The following EML6 variants were observed in gnomAD, a reference collection of about 807,000 sequenced individuals.
EML6 encodes the protein echinoderm microtubule-associated protein-like 6.
In EML6, 154 loss-of-function variants were observed where a neutral mutation model predicts 240.1. That is an observed-to-expected ratio of 0.64 (90% CI 0.56 to 0.73). EML6 has a LOEUF of 0.73. Among genes scored for constraint, EML6 ranks in the 30% least tolerant of loss-of-function variants. EML6 has a pLI of 0.00. For synonymous variants in EML6, 1,148 were observed against 899.0 expected (o/e 1.28, Z -4.95); for missense variants, 2,964 against 2,474.6 (o/e 1.20, Z -4.20).
chr2:54,735,642 A>G (rs1683354669), intron 2 of EML6, among the ~76,000 whole-genome samples: 1 of 152,250 alleles, frequency 6.6e-6, no homozygotes. Flanking sequence ...CTACTGGAAT[A>G]TGGCCATGGC....
At chr2:54,895,474 G>C (rs1672715410) in intron 21 of EML6, 74 bp downstream of exon 21, 1 of 1,477,604 alleles carries the variant, frequency 6.8e-7, no homozygotes, top group African/African-American at 1.4e-5. Flanking sequence ...TTGATGCTTA[G>C]GTTGCAAAAC....
chr2:54,807,635 C>T (rs1323215890), intron 2 of EML6, among the ~76,000 whole-genome samples: 1 of 152,126 alleles, frequency 6.6e-6, no homozygotes, highest in South Asian at 2.1e-4. Context: ...GTATTTCTAC[C>T]ATATGGATAG....
Position 54,903,510 on chromosome 2 carries a change from A to G in EML6, c.3409+8A>G, listed in dbSNP as rs1171938265. ...TTGACTGGGACTCTAGAGGTAAAGT[A>G]TGTTGTGGCTTTTAAAATAGAATTT... On this transcript the variant is annotated splice_region_variant and intron_variant, in intron 24 of 41. Transcript: ENST00000356458. 3.9e-6 allele frequency: 6 copies of G among 1,519,218 alleles called. No individual in the cohort carries two copies. The highest frequency in any genetic ancestry group is 1.2e-5 in the South Asian group (1 of 81,850). 94.1% of individuals were successfully genotyped at this position (1,519,218 alleles called of 1,614,324 possible). A position where few individuals can be genotyped will look rare whatever the true frequency, so the allele number is the denominator to read the frequency against.
intron 41 of EML6, among the ~76,000 whole-genome samples, chr2:54,969,672 C>CT (rs1040219116): frequency 2.4e-4 from 36 of 152,286 alleles, no homozygotes; most frequent in African/African-American, 8.7e-4. Flanking sequence ...CCGTGCAGGG[C>CT]TTGCAGGCCT....
At chr2:54,899,563 A>G in intron 21 of EML6, 78 bp from the exon 22 acceptor site, 2 of 1,422,596 alleles carry the variant, frequency 1.4e-6, no homozygotes, top group African/African-American at 1.4e-5. Context: ...CTTGGACTGA[A>G]TATGTAGCAC....
At chr2:54,732,564 G>C (rs1187866030) in intron 2 of EML6, among the ~76,000 whole-genome samples, 1 of 152,148 alleles carries the variant, frequency 6.6e-6, no homozygotes, top group Non-Finnish European at 1.5e-5. Flanking sequence ...TTTTCTCCAT[G>C]AAATTATCTT....
At chr2:54,805,505 T>TC (rs1292755167) in intron 2 of EML6, among the ~76,000 whole-genome samples, 3 of 152,236 alleles carry the variant, frequency 2.0e-5, no homozygotes, top group Non-Finnish European at 1.5e-5. Context: ...TTAACATTGT[T>TC]CAAGTCTTCC....
At chr2:54,837,324 C>A (rs1181327189) in intron 7 of EML6, among the ~76,000 whole-genome samples, 1 of 152,180 alleles carries the variant, frequency 6.6e-6, no homozygotes, top group Non-Finnish European at 1.5e-5. Flanking sequence ...CTAGCTTGCT[C>A]TGTGACTTGA....
intron 2 of EML6, among the ~76,000 whole-genome samples, chr2:54,803,080 T>A (rs1210202721): frequency 2.6e-5 from 4 of 152,064 alleles, no homozygotes; most frequent in Non-Finnish European, 2.9e-5. Context: ...CATATGATCC[T>A]CATTGAAAGA....
intron 28 of EML6, among the ~76,000 whole-genome samples, chr2:54,930,178 G>T (rs1674778143): frequency 6.6e-6 from 1 of 152,134 alleles, no homozygotes. Flanking sequence ...TCCCAAGGGT[G>T]TTTCTGGCTG....
In EML6 at chr2:54,873,782, G is replaced by A. The variant is rs550433516; in HGVS notation, c.2344+2177G>A. Among the ~76,000 whole-genome samples the A allele has an allele frequency of 2.4e-4, 35 of 144,030 alleles. 1 individual carries two copies. The East Asian group carries it at 6.5e-3, about 27-fold the overall frequency. 94.5% of individuals were successfully genotyped at this position (144,030 alleles called of 152,430 possible). ...CAGCTAAATGTTTACAACATTATTG[G>A]GAATCCAATATATTCATTCTTTTGG... On this transcript the variant is annotated intron_variant, in intron 16 of 41. Transcript: ENST00000356458.
intron 34 of EML6, 128 bp downstream of exon 34, chr2:54,959,389 A>G (rs147588199): frequency 1.1e-6 from 1 of 886,102 alleles, no homozygotes; most frequent in East Asian, 2.7e-5. Flanking sequence ...TAGGAAGATC[A>G]GTCTGCTCTC....
intron 34 of EML6, among the ~76,000 whole-genome samples, chr2:54,959,777 A>C (rs1174097693): frequency 1.3e-5 from 2 of 152,084 alleles, no homozygotes; most frequent in Non-Finnish European, 2.9e-5. Context: ...TAAATTAATA[A>C]ATTAAAAGAA....
At chr2:54,920,955 C>T (rs1242427492) in intron 26 of EML6, among the ~76,000 whole-genome samples, 1 of 151,982 alleles carries the variant, frequency 6.6e-6, no homozygotes, top group Non-Finnish European at 1.5e-5. Context: ...CAAAATTCAA[C>T]ATCCTCTCAT....
At chr2:54,803,276 C>T (rs111896054) in intron 2 of EML6, among the ~76,000 whole-genome samples, 1 of 152,256 alleles carries the variant, frequency 6.6e-6, no homozygotes, top group African/African-American at 2.4e-5. Context: ...CATAAATGAT[C>T]AAAGCCAACT....
At chr2:54,931,667 GC>G (rs1487750757) in intron 28 of EML6, among the ~76,000 whole-genome samples, 1 of 152,210 alleles carries the variant, frequency 6.6e-6, no homozygotes, top group East Asian at 1.9e-4. Flanking sequence ...ATACCTGGGT[GC>G]TTTTTCTAAA....
At chr2:54,906,414 T>C (rs570806241) in intron 24 of EML6, among the ~76,000 whole-genome samples, 2 of 152,226 alleles carry the variant, frequency 1.3e-5, no homozygotes, top group Non-Finnish European at 1.5e-5. Flanking sequence ...GGAAGGTCTG[T>C]GTAAAGTCCC....
rs1398808404 is a variant in EML6 at position 54,774,045 on chromosome 2, C to G, written c.198-39187C>G. Among the ~76,000 whole-genome samples the G allele has an allele frequency of 6.6e-6, 1 of 152,208 alleles. No individual in the cohort carries two copies. Among genetic ancestry groups the G allele is most frequent in the Admixed American group, 6.5e-5 (1 of 15,288 alleles). ...GCCAGCAGGAGGAGAAAGAGGGGCA[C>G]TGCTAAGAACACTTCCTGGAAGTTG... On this transcript the variant is annotated intron_variant, in intron 2 of 41. Coordinates refer to ENST00000356458, the MANE Select transcript of EML6 (RefSeq NM_001039753.4). This position sits in a 1 kb window ranked among gnomAD's most constrained non-coding sequence, Gnocchi z 4.1.
intron 30 of EML6, among the ~76,000 whole-genome samples, chr2:54,951,808 T>G (rs1012906100): frequency 2.0e-5 from 3 of 152,230 alleles, no homozygotes; most frequent in Non-Finnish European, 4.4e-5. Flanking sequence ...CATGTTGATT[T>G]GTGTGTATCT....
Sources: allele counts gnomAD v4.1 joint callset (sites outside exome capture counted in the v4.1 genomes callset), GRCh38; gene constraint gnomAD v4.1.1; non-coding constraint Gnocchi (gnomAD v3.1); transcripts MANE v1.5; gene names NCBI Gene and HGNC (gene_info 2026-07-23, HGNC 2026-07-21).